The following SMCO4 variants were observed in gnomAD, a reference collection of about 807,000 sequenced individuals.
SMCO4 encodes the protein single-pass membrane and coiled-coil domain-containing protein 4.
In SMCO4, 4 loss-of-function variants were observed where a neutral mutation model predicts 3.6. The observed-to-expected ratio is 1.11, with a 90% CI of 0.54 to 2.53. The LOEUF (loss-of-function observed/expected upper bound fraction) is 2.53. SMCO4 is among the 30% of genes most tolerant of loss of function. The probability of loss-of-function intolerance (pLI) is 0.02; values close to 1 mark genes in which losing one functional copy is unlikely to be tolerated. For missense variants in SMCO4, 70 were observed against 80.8 expected, an observed-to-expected ratio of 0.87 and a Z score of 0.51; for synonymous variants, 36 against 35.3, an observed-to-expected ratio of 1.02 and a Z score of -0.07.
At chr11:93,535,434 G>C (rs980956868) in intron 1 of SMCO4, 1 of 1,294,030 alleles carries the variant, frequency 7.7e-7, no homozygotes, top group Admixed American at 1.9e-5. Flanking sequence ...ACTGCTAGGG[G>C]CTTAAGCAGA....
intron 2 of SMCO4, among the ~76,000 whole-genome samples, chr11:93,482,197 G>A (rs1212462985): frequency 1.3e-5 from 2 of 152,236 alleles, no homozygotes; most frequent in Non-Finnish European, 2.9e-5. Context: ...GGCAGCAAGG[G>A]AAAGCATCTC....
At chr11:93,502,543 G>T (rs1948851579) in intron 1 of SMCO4, among the ~76,000 whole-genome samples, 1 of 152,186 alleles carries the variant, frequency 6.6e-6, no homozygotes, top group Non-Finnish European at 1.5e-5. Context: ...TCAGAGTATT[G>T]AAAATGGTAA....
At chr11:93,552,806 T>C in the SMCO4 span, among the ~76,000 whole-genome samples, 20,464 of 152,054 alleles carry the variant, frequency 0.13, 1,854 homozygotes, top group African/African-American at 0.25. Context: ...TTGTTTTCTC[T>C]TTTGCCTACC....
chr11:93,483,451 A>T (rs1184233755), intron 2 of SMCO4, among the ~76,000 whole-genome samples: 1 of 152,228 alleles, frequency 6.6e-6, no homozygotes, highest in Non-Finnish European at 1.5e-5. Flanking sequence ...TCTAAGAGAC[A>T]TGAATGGACA....
chr11:93,540,715 C>T (rs2134642670), intron 1 of SMCO4, among the ~76,000 whole-genome samples: 1 of 152,276 alleles, frequency 6.6e-6, no homozygotes, highest in Non-Finnish European at 1.5e-5. Flanking sequence ...CCTCACAATG[C>T]CTGCTCAATG....
At chr11:93,546,390 C>T (rs921579761), upstream of SMCO4, among the ~76,000 whole-genome samples, 2 of 152,146 alleles carry the variant, frequency 1.3e-5, no homozygotes, top group African/African-American at 4.8e-5. Context: ...AAGCTTTAAA[C>T]GTTAGAACTC....
chr11:93,535,651 G>A lies in SMCO4; in HGVS notation c.-154+7625C>T, dbSNP rs574120225. On this transcript the variant is annotated intron_variant, in intron 1 of 2. Transcript: ENST00000298966. ...CAACAAGTGTCTGTTAAGAGCTACCGATGGGAAAAAGAAGATCAGCACAGT... is the reference window on the plus strand; with the variant it reads ...CAACAAGTGTCTGTTAAGAGCTACCAATGGGAAAAAGAAGATCAGCACAGT... 700 of 1,603,258 alleles carry A rather than the reference G, an allele frequency of 4.4e-4. No individual in the cohort carries two copies. The African/African-American group carries it at 7.5e-3, about 17-fold the overall frequency.
chr11:93,552,837 T>A, the SMCO4 span, among the ~76,000 whole-genome samples: 9 of 112,954 alleles, frequency 8.0e-5, no homozygotes, highest in Non-Finnish European at 9.0e-5. Context: ...ATCAATTTAA[T>A]TTTTTTTTTG....
At chr11:93,495,542 A>G (rs893104840) in intron 2 of SMCO4, among the ~76,000 whole-genome samples, 5 of 152,218 alleles carry the variant, frequency 3.3e-5, no homozygotes, top group Non-Finnish European at 7.3e-5. Flanking sequence ...CTGTATGCTA[A>G]TATTTAGCTT....
intron 1 of SMCO4, among the ~76,000 whole-genome samples, chr11:93,521,955 CTG>C (rs1196853317): frequency 2.0e-5 from 3 of 152,236 alleles, no homozygotes; most frequent in African/African-American, 7.2e-5. Flanking sequence ...CACAGCCTTA[CTG>C]TGTGTCACAC....
At chr11:93,491,645 T>C (rs181756232) in intron 2 of SMCO4, among the ~76,000 whole-genome samples, 225 of 152,352 alleles carry the variant, frequency 1.5e-3, no homozygotes, top group African/African-American at 5.2e-3. Context: ...CTAAGTGATA[T>C]TGAATTCTCC....
intron 1 of SMCO4, among the ~76,000 whole-genome samples, chr11:93,508,798 A>G (rs1348897095): frequency 2.6e-5 from 4 of 152,218 alleles, no homozygotes; most frequent in Non-Finnish European, 5.9e-5. Context: ...CTATTTCCAG[A>G]GCATGGACTC....
Position 93,478,766 on chromosome 11 carries a change from T to G in SMCO4, c.*244A>C. 5.2e-5 allele frequency: 54 copies of G among 1,032,640 alleles called. No individual in the cohort carries two copies. The highest frequency in any genetic ancestry group is 6.5e-5 in the East Asian group (2 of 30,604). 64.0% of individuals were successfully genotyped at this position (1,032,640 alleles called of 1,614,324 possible). ...ACACACACACACATGCGCGCGCGCT[T>G]TGAAGTCTGAAAGGCACATGAAGTG... On this transcript the variant is annotated 3_prime_UTR_variant, in exon 3 of 3. Coordinates refer to ENST00000298966, the MANE Select transcript of SMCO4 (RefSeq NM_020179.3).
upstream of SMCO4, among the ~76,000 whole-genome samples, chr11:93,546,980 C>G (rs1381373630): frequency 6.6e-6 from 1 of 152,206 alleles, no homozygotes; most frequent in East Asian, 1.9e-4. Flanking sequence ...CCAAACTCTT[C>G]ACTTTGCTAA....
intron 1 of SMCO4, among the ~76,000 whole-genome samples, chr11:93,508,828 C>A (rs775376286): frequency 2.6e-5 from 4 of 152,166 alleles, no homozygotes; most frequent in Admixed American, 6.5e-5. Flanking sequence ...AGCACACACT[C>A]CACCACTGGA....
At chr11:93,526,288 A>G (rs145979001) in intron 1 of SMCO4, among the ~76,000 whole-genome samples, 500 of 130,050 alleles carry the variant, frequency 3.8e-3, no homozygotes, top group Non-Finnish European at 6.0e-3. Context: ...ACAGAAACAG[A>G]CAAATATTTG....
chr11:93,481,368 G>A, intron 2 of SMCO4: 1 of 939,640 alleles, frequency 1.1e-6, no homozygotes, highest in Non-Finnish European at 1.3e-6. Flanking sequence ...ATACCCGTGG[G>A]CGGCCCAGGG....
At chr11:93,508,917 C>A (rs180750038) in intron 1 of SMCO4, among the ~76,000 whole-genome samples, 7 of 152,272 alleles carry the variant, frequency 4.6e-5, no homozygotes, top group Admixed American at 3.9e-4. Flanking sequence ...ACCCACTGAG[C>A]AATGACCTCA....
intron 1 of SMCO4, among the ~76,000 whole-genome samples, chr11:93,501,189 C>A (rs997128593): frequency 9.2e-5 from 14 of 152,202 alleles, no homozygotes; most frequent in African/African-American, 3.4e-4. Context: ...AACTCTGCTG[C>A]TGGGTCATGA....
Sources: gnomAD v4.1 joint callset for allele counts (sites outside exome capture counted in the v4.1 genomes callset) on GRCh38, gnomAD v4.1.1 for gene constraint, MANE v1.5 for transcripts, NCBI Gene and HGNC (gene_info 2026-07-23, HGNC 2026-07-21) for gene names.